The following TRIP11 variants were observed in gnomAD, a reference collection of about 807,000 sequenced individuals.
TRIP11 encodes thyroid hormone receptor interactor 11.
A neutral mutation model predicts 223.1 loss-of-function variants in TRIP11; 148 were observed. That is an observed-to-expected ratio of 0.66 (90% CI 0.58 to 0.76). TRIP11 has a LOEUF of 0.76. Ranked by LOEUF, TRIP11 falls within the 30% of genes least tolerant of loss-of-function variation. TRIP11 has a pLI of 0.00. For synonymous variants in TRIP11, 762 were observed against 772.6 expected (o/e 0.99, Z 0.23); for missense variants, 2,043 against 2,222.0 (o/e 0.92, Z 1.62).
intron 3 of TRIP11, 28 bp from the exon 4 acceptor site, chr14:92,021,859 G>A (rs751739269): frequency 1.2e-6 from 2 of 1,608,566 alleles, no homozygotes; most frequent in East Asian, 2.2e-5. Context: ...AAGTTTTAGA[G>A]AAGGTACTTT....
chr14:92,006,089 C>A lies in TRIP11; in HGVS notation c.1887G>T (p.Gln629His), dbSNP rs560058536. Residue 629 changes from glutamine (Q) to histidine (H), a missense_variant, in exon 11 of 21, where the codon CAG becomes CAT. Gln to His is a conservative substitution (Grantham distance 24). Transcript: ENST00000267622. ...TACTATTAGAGTCTTGATTTAGAGA[C>A]TGCATTAACTCATTCCTTATTCTAG... ...ELSRIRNELMQSLNQDSNSNF... is the reference protein window; with the variant it reads ...ELSRIRNELMHSLNQDSNSNF... The A allele has an allele frequency of 1.3e-6, 2 of 1,594,298 alleles. No individual in the cohort carries two copies. The highest frequency in any genetic ancestry group is 8.5e-7 in the Non-Finnish European group (1 of 1,173,272).
At chr14:92,012,083 C>T (rs2056980292) in intron 7 of TRIP11, among the ~76,000 whole-genome samples, 2 of 152,082 alleles carry the variant, frequency 1.3e-5, no homozygotes, top group Admixed American at 6.5e-5. Context: ...GATAAAAATG[C>T]TAATGACAAC....
rs1483056188 is a variant in TRIP11 at position 92,025,298 on chromosome 14, G to A, written c.312+12C>T. 1 of 1,577,810 alleles carries A rather than the reference G, an allele frequency of 6.3e-7. No individual in the cohort carries two copies. The highest frequency in any genetic ancestry group is 8.7e-7 in the Non-Finnish European group (1 of 1,147,760). ...AGTGAAGTACATATGAAGTAACTGTGATAACATTTACCTCTTTTTGTTGAA... is the reference window on the plus strand; with the variant it reads ...AGTGAAGTACATATGAAGTAACTGTAATAACATTTACCTCTTTTTGTTGAA... On this transcript the variant is annotated intron_variant, in intron 3 of 20. Coordinates refer to ENST00000267622, the MANE Select transcript of TRIP11 (RefSeq NM_004239.4).
At chr14:92,018,407 CAGA>C (rs898677830) in intron 4 of TRIP11, among the ~76,000 whole-genome samples, 1 of 151,942 alleles carries the variant, frequency 6.6e-6, no homozygotes, top group Non-Finnish European at 1.5e-5. Context: ...TGATTTTACC[CAGA>C]AGATCTCTAC....
chr14:91,996,031 T>C (rs759115930), intron 13 of TRIP11, among the ~76,000 whole-genome samples: 1 of 152,190 alleles, frequency 6.6e-6, no homozygotes, highest in Non-Finnish European at 1.5e-5. Context: ...TTTTAACCAG[T>C]TTTAAGTGTA....
chr14:92,034,438 G>GAAAAAAAAAAAAAAAA (rs1289802271), intron 1 of TRIP11, among the ~76,000 whole-genome samples: 3 of 146,764 alleles, frequency 2.0e-5, no homozygotes, highest in African/African-American at 8.0e-5. Flanking sequence ...AAAAAAAAAG[G>GAAAAAAAAAAAAAAAA]AAAGGGAGCT....
intron 1 of TRIP11, among the ~76,000 whole-genome samples, chr14:92,033,871 AGAG>A (rs2057295294): frequency 6.6e-6 from 1 of 152,104 alleles, no homozygotes; most frequent in Admixed American, 6.6e-5. Context: ...CATTTATTCT[AGAG>A]CTGCAGGCAT....
intron 16 of TRIP11, among the ~76,000 whole-genome samples, chr14:91,983,537 C>T (rs1230426140): frequency 1.3e-5 from 2 of 152,128 alleles, no homozygotes; most frequent in Admixed American, 1.3e-4. Context: ...TTTTAAACTG[C>T]AATTTCTAAA....
At chr14:92,039,258 A>G (rs1473346714) in intron 1 of TRIP11, among the ~76,000 whole-genome samples, 1 of 152,202 alleles carries the variant, frequency 6.6e-6, no homozygotes, top group African/African-American at 2.4e-5. Flanking sequence ...GCGTGGATCA[A>G]CCAAACGAAA....
chr14:92,010,995 A>G lies in TRIP11; in HGVS notation c.1305T>C (p.Ser435=). 1 of 1,613,734 alleles carries G rather than the reference A, an allele frequency of 6.2e-7. No individual in the cohort carries two copies. The highest frequency in any genetic ancestry group is 8.5e-7 in the Non-Finnish European group (1 of 1,179,922). Residue 435 remains serine (S), a synonymous_variant, in exon 9 of 21, where the codon AGT becomes AGC. Coordinates refer to ENST00000267622, the MANE Select transcript of TRIP11 (RefSeq NM_004239.4). ...EVLEKEKSLL[S]QEKEELQMSL... Reference sequence around the variant, plus strand: ...TTTTTACAGCACCCACCTTTTCTTGACTCAGTAATGACTTCTCTTTTTCTA... The same window carrying G: ...TTTTTACAGCACCCACCTTTTCTTGGCTCAGTAATGACTTCTCTTTTTCTA...
chr14:92,017,887 C>T, intron 4 of TRIP11, 137 bp from the exon 5 acceptor site: 1 of 692,734 alleles, frequency 1.4e-6, no homozygotes. Flanking sequence ...ATGCCATGGA[C>T]CTTTTAAAGA....
chr14:91,969,994 T>C, intron 20 of TRIP11, 101 bp from the exon 21 acceptor site: 1 of 1,155,160 alleles, frequency 8.7e-7, no homozygotes, highest in Non-Finnish European at 1.3e-6. Context: ...GTAATATTGT[T>C]AAATTGATTA....
intron 4 of TRIP11, among the ~76,000 whole-genome samples, chr14:92,019,622 A>G (rs1418619492): frequency 6.6e-6 from 1 of 152,152 alleles, no homozygotes; most frequent in African/African-American, 2.4e-5. Context: ...TTTTTTTTAC[A>G]TTGATGAAAT....
In TRIP11 at chr14:92,015,902, T is replaced by C. The variant is rs1320741265; in HGVS notation, c.658-41A>G. 9 of 1,513,540 alleles carry C rather than the reference T, an allele frequency of 5.9e-6. No individual in the cohort carries two copies. The African/African-American group carries it at 8.3e-5, about 14-fold the overall frequency. The allele number at this position is 1,513,540 out of a possible 1,614,324, so 93.8% of individuals were successfully genotyped here. On this transcript the variant is annotated intron_variant, in intron 5 of 20. Transcript: ENST00000267622. ...CAAAGTTATTCACATTTATAATCAATAAATTTATGTAAGCTATATATTTAA... is the reference window on the plus strand; with the variant it reads ...CAAAGTTATTCACATTTATAATCAACAAATTTATGTAAGCTATATATTTAA...
intron 8 of TRIP11, among the ~76,000 whole-genome samples, chr14:92,011,476 T>C (rs1595393680): frequency 1.2e-5 from 1 of 84,354 alleles, no homozygotes; most frequent in Non-Finnish European, 2.0e-5. Context: ...AGAGCAAGAC[T>C]CCGTCTCAAA....
chr14:92,012,281 A>G (rs1205149105), intron 7 of TRIP11, among the ~76,000 whole-genome samples: 2 of 152,226 alleles, frequency 1.3e-5, no homozygotes, highest in Non-Finnish European at 2.9e-5. Flanking sequence ...TTGGTATTAT[A>G]GATAGATCTA....
Position 91,967,066 on chromosome 14 carries a change from A to C in TRIP11, c.*2607T>G, listed in dbSNP as rs903174430. 5.1e-6 allele frequency: 1 copy of C among 194,446 alleles called. No homozygotes were observed. The highest frequency in any genetic ancestry group is 2.3e-5 in the African/African-American group (1 of 42,972). 12.0% of individuals were successfully genotyped at this position (194,446 alleles called of 1,614,324 possible). A position where few individuals can be genotyped will look rare whatever the true frequency, so the allele number is the denominator to read the frequency against. Reference sequence around the variant, plus strand: ...AATGACTTATATCTGGTTTAGATCAACGAACACTTAGTATACATACCAGTC... The same window carrying C: ...AATGACTTATATCTGGTTTAGATCACCGAACACTTAGTATACATACCAGTC... On this transcript the variant is annotated 3_prime_UTR_variant, in exon 21 of 21. Coordinates refer to ENST00000267622, the MANE Select transcript of TRIP11 (RefSeq NM_004239.4).
At chr14:91,993,366 C>T (rs1424796573) in intron 15 of TRIP11, among the ~76,000 whole-genome samples, 1 of 149,880 alleles carries the variant, frequency 6.7e-6, no homozygotes. Flanking sequence ...ATCCCAGCTA[C>T]TTGGGAGGCT....
chr14:92,025,515 C>CGCCT, intron 2 of TRIP11, 95 bp from the exon 3 acceptor site: 1 of 812,902 alleles, frequency 1.2e-6, no homozygotes, highest in Non-Finnish European at 2.0e-6. Context: ...GCTTTCCCCC[C>CGCCT]CCAAAAATGT....
Sources: allele counts gnomAD v4.1 joint callset (sites outside exome capture counted in the v4.1 genomes callset), GRCh38; gene constraint gnomAD v4.1.1; transcripts MANE v1.5; gene names NCBI Gene and HGNC (gene_info 2026-07-23, HGNC 2026-07-21).